Variants in KALRN observed in about 807,000 individuals in gnomAD.
KALRN encodes kalirin.
In KALRN, 70 loss-of-function variants were observed where a neutral mutation model predicts 353.7. The ratio of observed to expected loss-of-function variants is 0.20; its 90% CI spans 0.16 to 0.24. KALRN has a LOEUF of 0.24. Among genes scored for constraint, KALRN ranks in the 10% least tolerant of loss-of-function variants. KALRN has a pLI of 1.00. For synonymous variants in KALRN, 1,391 were observed against 1,434.8 expected, an observed-to-expected ratio of 0.97 and a Z score of 0.69; for missense variants, 2,791 against 3,756.7, an observed-to-expected ratio of 0.74 and a Z score of 6.72.
chr3:124,280,318 C>G (rs1208262741), intron 5 of KALRN, among the ~76,000 whole-genome samples: 2 of 152,112 alleles, frequency 1.3e-5, no homozygotes, highest in African/African-American at 2.4e-5. Flanking sequence ...TCCAGCAGGC[C>G]AGAATCTACC....
chr3:124,139,314 A>C (rs773084354), intron 1 of KALRN, among the ~76,000 whole-genome samples: 5 of 152,132 alleles, frequency 3.3e-5, no homozygotes, highest in African/African-American at 1.2e-4. Flanking sequence ...GTTTGGGTGT[A>C]TATGTTAAGT....
intron 33 of KALRN, among the ~76,000 whole-genome samples, chr3:124,504,425 T>C (rs936952736): frequency 3.9e-5 from 6 of 152,150 alleles, no homozygotes; most frequent in Admixed American, 2.0e-4. Flanking sequence ...ACCTTGATGG[T>C]TCAGCTTGAT....
At chr3:124,528,742 G>A (rs188248753) in intron 33 of KALRN, among the ~76,000 whole-genome samples, 1 of 152,292 alleles carries the variant, frequency 6.6e-6, no homozygotes, top group African/African-American at 2.4e-5. Context: ...GATGGCATTG[G>A]TTAGCCTTTC....
rs543824263 is a variant in KALRN, at chr3:124,362,518, G to T, written c.1770+15253G>T. On this transcript the variant is annotated intron_variant, in intron 10 of 59. Transcript: ENST00000682506. ...CAAGGCATATGCCCAGCTAGCCCAA[G>T]GTACTGCCCTTTGGATTTAAATAGA... is the stretch of plus-strand genomic sequence containing the variant. Among the ~76,000 whole-genome samples the T allele has an allele frequency of 5.3e-5, 8 of 152,366 alleles. No homozygotes were observed. The South Asian group carries it at 1.7e-3, about 32-fold the overall frequency.
chr3:124,710,561 G>A (rs115146054), intron 57 of KALRN, among the ~76,000 whole-genome samples: 22,492 of 152,116 alleles, frequency 0.15, 2,170 homozygotes, highest in Middle Eastern at 0.21. Flanking sequence ...CAAGGTGGGC[G>A]GATCGCTTTG....
rs182946046 is a variant in KALRN at position 124,038,083 on chromosome 3, G to A, written c.73+4270G>A. Among the ~76,000 whole-genome samples, 284 of 152,258 alleles carry A rather than the reference G, an allele frequency of 1.9e-3. 1 individual carries two copies. The highest frequency in any genetic ancestry group is 6.8e-3 in the Middle Eastern group (2 of 294). On this transcript the variant is annotated intron_variant, in intron 1 of 59. Coordinates refer to ENST00000682506, the MANE Select transcript of KALRN (RefSeq NM_001388419.1). ...GAATGCATCTGCTGTCAGAGGGAAGGAGTAGAGGAAGAAAGGGAAGGGTGA... is the reference window on the plus strand; with the variant it reads ...GAATGCATCTGCTGTCAGAGGGAAGAAGTAGAGGAAGAAAGGGAAGGGTGA...
intron 1 of KALRN, among the ~76,000 whole-genome samples, chr3:124,220,777 T>C (rs1296607999): frequency 6.6e-6 from 1 of 152,182 alleles, no homozygotes; most frequent in Non-Finnish European, 1.5e-5. Flanking sequence ...TTCCTGCCTC[T>C]CCTTGGACTT....
chr3:124,047,665 T>A (rs2149122540), intron 1 of KALRN, among the ~76,000 whole-genome samples: 1 of 140,014 alleles, frequency 7.1e-6, no homozygotes, highest in South Asian at 2.6e-4. Flanking sequence ...GCTAATTTTT[T>A]TTTATTTTTT....
intron 51 of KALRN, among the ~76,000 whole-genome samples, chr3:124,684,197 G>A (rs2061459588): frequency 6.6e-6 from 1 of 151,996 alleles, no homozygotes; most frequent in South Asian, 2.1e-4. Flanking sequence ...TTTGAAAACT[G>A]GAAGGTGCTC....
chr3:124,298,432 G>A (rs1352060546), intron 5 of KALRN, among the ~76,000 whole-genome samples: 4 of 152,148 alleles, frequency 2.6e-5, no homozygotes, highest in Non-Finnish European at 5.9e-5. Flanking sequence ...TACTAGTGCG[G>A]CAGGAGATGC....
chr3:124,450,922 G>A (rs1205440294), intron 21 of KALRN, among the ~76,000 whole-genome samples: 1 of 151,890 alleles, frequency 6.6e-6, no homozygotes, highest in Non-Finnish European at 1.5e-5. Context: ...GAAAATTTTG[G>A]TTCTTTTATG....
intron 6 of KALRN, among the ~76,000 whole-genome samples, chr3:124,314,055 G>A (rs1479300306): frequency 6.6e-6 from 1 of 152,156 alleles, no homozygotes; most frequent in African/African-American, 2.4e-5. Flanking sequence ...GCACACGTAT[G>A]TTTATTGCGG....
intron 15 of KALRN, among the ~76,000 whole-genome samples, chr3:124,426,760 G>A (rs1324423289): frequency 6.6e-6 from 1 of 152,148 alleles, no homozygotes. Context: ...CTCCAAACCC[G>A]AAAGAGTGCT....
rs79691624 is a variant in KALRN at position 124,480,015 on chromosome 3, G to A, written c.4191+2681G>A. ...TGGGACTACAGGCGTGAGCCACCGC[G>A]CCCGGCCGATCCAGAATGTTTGACC... On this transcript the variant is annotated intron_variant, in intron 27 of 59. Coordinates refer to ENST00000682506, the MANE Select transcript of KALRN (RefSeq NM_001388419.1). Among the ~76,000 whole-genome samples the A allele has an allele frequency of 4.8e-4, 73 of 152,224 alleles. No individual in the cohort carries two copies. In the East Asian group the frequency reaches 0.012, roughly 24 times the overall value.
At chr3:124,328,026 G>A (rs190078322) in intron 7 of KALRN, among the ~76,000 whole-genome samples, 107 of 152,310 alleles carry the variant, frequency 7.0e-4, no homozygotes, top group African/African-American at 2.1e-3. Flanking sequence ...AAGGTGCCTC[G>A]TGTGCTTACT....
intron 34 of KALRN, among the ~76,000 whole-genome samples, chr3:124,597,192 G>A (rs2076350260): frequency 1.3e-5 from 2 of 152,182 alleles, no homozygotes; most frequent in South Asian, 4.2e-4. Context: ...AGCACTTTTT[G>A]TGTTGATTCC....
At position 124,678,272 on chromosome 3, in the gene KALRN, C is replaced by G. The variant is rs576463141; in HGVS notation, c.7276C>G (p.Arg2426Gly). 2 of 1,614,014 alleles carry G rather than the reference C, an allele frequency of 1.2e-6. No individual in the cohort carries two copies. The highest frequency in any genetic ancestry group is 8.5e-7 in the Non-Finnish European group (1 of 1,179,924). ...GGGTAAAAATGAAGCCACAGGGCCT[C>G]GTAAACCCAAGGATATTCTGGGCAA... ...NTGKNEATGP[R>G]KPKDILGNKV... The change falls in exon 50 of 60, where the codon CGT (arginine) becomes GGT (glycine). Residue 2426 changes from arginine (R) to glycine (G), a missense_variant. This residue lies in a region of KALRN where 1,065 missense variants were observed against 1,156.4 expected (regional missense o/e 0.92). Coordinates refer to ENST00000682506, the MANE Select transcript of KALRN (RefSeq NM_001388419.1).
At chr3:124,575,315 C>T (rs1364714571) in intron 34 of KALRN, among the ~76,000 whole-genome samples, 1 of 152,210 alleles carries the variant, frequency 6.6e-6, no homozygotes, top group Admixed American at 6.5e-5. Flanking sequence ...ATAATTGCCC[C>T]GTTGCTTGCC....
chr3:124,232,504 G>T (rs559111847), intron 2 of KALRN, among the ~76,000 whole-genome samples: 23 of 152,242 alleles, frequency 1.5e-4, no homozygotes, highest in Non-Finnish European at 3.2e-4. Context: ...AGAGAGGGGG[G>T]CAGCCCCATC....
Sources: allele counts gnomAD v4.1 joint callset (sites outside exome capture counted in the v4.1 genomes callset), GRCh38; gene constraint gnomAD v4.1.1; regional missense constraint gnomAD v4.1.1; transcripts MANE v1.5; gene names NCBI Gene and HGNC (gene_info 2026-07-23, HGNC 2026-07-21).